The following THSD7B variants were observed in gnomAD, a reference collection of about 807,000 sequenced individuals.
THSD7B encodes the protein thrombospondin type-1 domain-containing protein 7B.
A neutral mutation model predicts 213.6 loss-of-function variants in THSD7B; 138 were observed. The observed-to-expected ratio is 0.65, with a 90% confidence interval of 0.56 to 0.74. The LOEUF (loss-of-function observed/expected upper bound fraction) is 0.74. THSD7B is among the 30% of genes least tolerant of loss of function. The pLI is 0.00. For missense variants in THSD7B, 1,931 were observed against 1,991.5 expected, an observed-to-expected ratio of 0.97 and a Z score of 0.58; for synonymous variants, 742 against 687.0, an observed-to-expected ratio of 1.08 and a Z score of -1.25.
intron 7 of THSD7B, among the ~76,000 whole-genome samples, chr2:137,178,836 G>A (rs1257913218): frequency 3.3e-5 from 5 of 152,178 alleles, no homozygotes; most frequent in Admixed American, 3.3e-4. Context: ...CGTAGACATT[G>A]CAAGATAGCT....
intron 2 of THSD7B, among the ~76,000 whole-genome samples, chr2:136,980,739 C>T (rs939519254): frequency 6.6e-6 from 1 of 152,160 alleles, no homozygotes; most frequent in African/African-American, 2.4e-5. Context: ...CCTTGGGAAC[C>T]AAGGCCCTGG....
At chr2:137,141,436 C>A (rs1679582124) in intron 5 of THSD7B, among the ~76,000 whole-genome samples, 2 of 151,996 alleles carry the variant, frequency 1.3e-5, no homozygotes, top group Non-Finnish European at 2.9e-5. Flanking sequence ...GTGCTGCTTA[C>A]ATGAATCTGC....
intron 15 of THSD7B, among the ~76,000 whole-genome samples, chr2:137,512,782 C>A (rs1331771789): frequency 6.6e-6 from 1 of 152,046 alleles, no homozygotes; most frequent in Non-Finnish European, 1.5e-5. Context: ...AATTATAAAT[C>A]CTTTACATGT....
intron 10 of THSD7B, among the ~76,000 whole-genome samples, chr2:137,257,910 C>A (rs1682345024): frequency 6.6e-6 from 1 of 152,140 alleles, no homozygotes; most frequent in South Asian, 2.1e-4. Context: ...TTACTGGGAC[C>A]TTGCATGAGG....
chr2:137,245,939 T>G (rs1682022057), intron 10 of THSD7B, among the ~76,000 whole-genome samples: 1 of 152,182 alleles, frequency 6.6e-6, no homozygotes, highest in African/African-American at 2.4e-5. Context: ...AAATGGGGCC[T>G]GGAATTGTAT....
intron 1 of THSD7B, among the ~76,000 whole-genome samples, chr2:136,767,483 TG>T (rs1390681453): frequency 2.3e-5 from 3 of 128,192 alleles, no homozygotes; most frequent in African/African-American, 8.6e-5. Flanking sequence ...GTGTGTGTTG[TG>T]TGTATTTGTG....
rs1459633159 is a variant in THSD7B, at chr2:137,396,819, T to C, written c.2501-8794T>C. 4.0e-5 allele frequency among the ~76,000 whole-genome samples: 6 copies of C among 151,852 alleles called. No individual in the cohort carries two copies. The East Asian group carries it at 7.7e-4, about 20-fold the overall frequency. On this transcript the variant is annotated intron_variant, in intron 12 of 27. Transcript: ENST00000409968. Reference sequence around the variant, plus strand: ...AGTCTAAGTCTCTTTGTAGGTCAGTTAGGACTTGCTTTATGAATCTGGGTG... The same window carrying C: ...AGTCTAAGTCTCTTTGTAGGTCAGTCAGGACTTGCTTTATGAATCTGGGTG...
At chr2:136,923,220 T>C (rs187654030) in intron 2 of THSD7B, among the ~76,000 whole-genome samples, 1 of 152,354 alleles carries the variant, frequency 6.6e-6, no homozygotes, top group East Asian at 1.9e-4. Flanking sequence ...ATTTGCCCTT[T>C]TTGGACTGGT....
At chr2:137,110,516 A>G (rs1224728630) in intron 4 of THSD7B, among the ~76,000 whole-genome samples, 2 of 152,186 alleles carry the variant, frequency 1.3e-5, no homozygotes, top group African/African-American at 4.8e-5. Context: ...AAAATGGCTG[A>G]CAATGTGCTC....
intron 1 of THSD7B, among the ~76,000 whole-genome samples, chr2:136,839,132 G>A (rs899566565): frequency 3.3e-5 from 5 of 152,182 alleles, no homozygotes; most frequent in African/African-American, 7.2e-5. Context: ...ATTGACAAGG[G>A]AGCTTGCAGA....
At chr2:137,296,352 A>T (rs1206816429) in intron 12 of THSD7B, among the ~76,000 whole-genome samples, 1 of 152,086 alleles carries the variant, frequency 6.6e-6, no homozygotes, top group Non-Finnish European at 1.5e-5. Flanking sequence ...CTACCTTTTT[A>T]GTTACAGTGA....
At chr2:137,075,999 G>C (rs1052381769) in intron 3 of THSD7B, among the ~76,000 whole-genome samples, 11 of 152,136 alleles carry the variant, frequency 7.2e-5, no homozygotes, top group East Asian at 1.9e-4. Flanking sequence ...TGCCCCTACT[G>C]GGGGGTGCCT....
intron 6 of THSD7B, among the ~76,000 whole-genome samples, chr2:137,162,426 C>A (rs1326953393): frequency 6.6e-6 from 1 of 152,084 alleles, no homozygotes; most frequent in Non-Finnish European, 1.5e-5. Context: ...TTTACATGTT[C>A]AAATCCTGGA....
chr2:137,155,952 G>C (rs185010779), intron 5 of THSD7B: 3 of 152,282 alleles, frequency 2.0e-5, no homozygotes, highest in Admixed American at 1.3e-4. Context: ...GATAGACAGA[G>C]ATGAGTTGGC....
chr2:136,855,079 T>C (rs1010535220), intron 1 of THSD7B, among the ~76,000 whole-genome samples: 2 of 152,248 alleles, frequency 1.3e-5, no homozygotes, highest in Admixed American at 1.3e-4. Context: ...TCTGCCTGTT[T>C]CCAGTCATGG....
chr2:137,078,761 AT>A (rs1191150916), intron 3 of THSD7B, among the ~76,000 whole-genome samples: 10 of 152,068 alleles, frequency 6.6e-5, no homozygotes, highest in African/African-American at 2.4e-4. Context: ...CCTGATAACT[AT>A]TTGAAATGGA....
intron 10 of THSD7B, among the ~76,000 whole-genome samples, chr2:137,255,763 C>T (rs956680571): frequency 6.6e-6 from 1 of 152,132 alleles, no homozygotes; most frequent in African/African-American, 2.4e-5. Context: ...TGATGGGGTG[C>T]AATGATGCAG....
chr2:136,864,766 A>G (rs1323463119), intron 1 of THSD7B, among the ~76,000 whole-genome samples: 1 of 152,084 alleles, frequency 6.6e-6, no homozygotes, highest in Non-Finnish European at 1.5e-5. Context: ...GTTAGCCAGG[A>G]TGGTCTTGAT....
intron 2 of THSD7B, among the ~76,000 whole-genome samples, chr2:136,950,023 G>T (rs151177869): frequency 0.014 from 2,157 of 152,292 alleles, 68 homozygotes; most frequent in African/African-American, 0.049. Context: ...GGAGGCCGAG[G>T]TGAGCGGATC....
Sources: gnomAD v4.1 joint callset for allele counts (sites outside exome capture counted in the v4.1 genomes callset) on GRCh38, gnomAD v4.1.1 for gene constraint, MANE v1.5 for transcripts, NCBI Gene and HGNC (gene_info 2026-07-23, HGNC 2026-07-21) for gene names.